Variants in STN1 observed in about 807,000 individuals in gnomAD.
STN1 encodes STN1 subunit of CST complex.
Under a neutral mutation model 45.5 loss-of-function variants are expected in STN1, and 29 were observed. The observed-to-expected ratio is 0.64, with a 90% CI of 0.47 to 0.87. STN1 has a LOEUF of 0.87. Ranked by LOEUF, STN1 falls within the 40% of genes least tolerant of loss-of-function variation. STN1 has a pLI of 0.00. For synonymous variants in STN1, 148 were observed against 159.0 expected, an observed-to-expected ratio of 0.93 and a Z score of 0.52; for missense variants, 376 against 441.4, an observed-to-expected ratio of 0.85 and a Z score of 1.33.
intron 4 of STN1, among the ~76,000 whole-genome samples, chr10:103,903,292 A>G (rs1289024321): frequency 6.6e-6 from 1 of 152,200 alleles, no homozygotes; most frequent in African/African-American, 2.4e-5. Flanking sequence ...CTGACTCCCC[A>G]TCTAGAACAA....
intron 3 of STN1, among the ~76,000 whole-genome samples, chr10:103,908,434 C>T (rs757969476): frequency 5.3e-5 from 8 of 151,960 alleles, no homozygotes; most frequent in Non-Finnish European, 8.8e-5. Flanking sequence ...GTTTCAGCTG[C>T]GGGATGAGTC....
chr10:103,914,623 G>T (rs1262057374), intron 2 of STN1, among the ~76,000 whole-genome samples: 1 of 150,978 alleles, frequency 6.6e-6, no homozygotes, highest in Non-Finnish European at 1.5e-5. Context: ...AAAGTGCTGG[G>T]ATTACAGGCA....
chr10:103,898,847 C>T (rs1055631654), intron 6 of STN1, 30 bp downstream of exon 6: 8 of 1,612,124 alleles, frequency 5.0e-6, no homozygotes, highest in East Asian at 4.5e-5. Flanking sequence ...GCCGTGGTCA[C>T]GTGCTCAGCA....
chr10:103,889,638 T>TCCACTGAAACACATTCTG (rs1246806113), intron 8 of STN1, among the ~76,000 whole-genome samples: 5 of 150,244 alleles, frequency 3.3e-5, no homozygotes, highest in African/African-American at 1.2e-4. Flanking sequence ...AGCTAGCCTA[T>TCCACTGAAACACATTCTG]CCACTGAAAC....
intron 3 of STN1, among the ~76,000 whole-genome samples, chr10:103,909,426 A>ATATATATG (rs1843269777): frequency 3.9e-4 from 22 of 57,026 alleles, no homozygotes; most frequent in East Asian, 8.0e-4. Flanking sequence ...GTATATATGT[A>ATATATATG]TATATATGTA....
chr10:103,886,556 A>G (rs1454964991), intron 9 of STN1, among the ~76,000 whole-genome samples: 2 of 152,218 alleles, frequency 1.3e-5, no homozygotes, highest in Non-Finnish European at 2.9e-5. Flanking sequence ...ACAATAATAC[A>G]GCAAAATCCA....
chr10:103,898,413 A>G (rs1318751702), intron 6 of STN1: 1 of 153,040 alleles, frequency 6.5e-6, no homozygotes, highest in Non-Finnish European at 1.5e-5. Flanking sequence ...GTTGAGAATG[A>G]CCGGTGCAGG....
intron 9 of STN1, among the ~76,000 whole-genome samples, chr10:103,885,144 T>G (rs1843095444): frequency 6.6e-6 from 1 of 152,222 alleles, no homozygotes; most frequent in African/African-American, 2.4e-5. Context: ...CAGGGGGAAC[T>G]ACTATGATTT....
chr10:103,903,176 T>C (rs545643629), intron 4 of STN1, among the ~76,000 whole-genome samples: 1 of 152,338 alleles, frequency 6.6e-6, no homozygotes, highest in East Asian at 1.9e-4. Context: ...TTTGCTTATG[T>C]ACTACCTATG....
At chr10:103,902,798 G>C (rs186837332) in intron 4 of STN1, among the ~76,000 whole-genome samples, 38 of 152,300 alleles carry the variant, frequency 2.5e-4, no homozygotes, top group African/African-American at 8.7e-4. Flanking sequence ...ATTAAAAGGA[G>C]AGAATGGGCT....
At chr10:103,915,908 G>A (rs994175206) in intron 2 of STN1, among the ~76,000 whole-genome samples, 2 of 151,932 alleles carry the variant, frequency 1.3e-5, no homozygotes, top group African/African-American at 4.8e-5. Flanking sequence ...CCTCACACGT[G>A]CAGTTCACAA....
intron 8 of STN1, among the ~76,000 whole-genome samples, chr10:103,890,185 A>G (rs1172757531): frequency 2.0e-5 from 3 of 152,204 alleles, no homozygotes; most frequent in Admixed American, 6.5e-5. Context: ...AATAGCTGTA[A>G]GTTTCCTCCT....
intron 9 of STN1, among the ~76,000 whole-genome samples, chr10:103,885,812 G>A (rs189440754): frequency 8.3e-4 from 126 of 152,266 alleles, no homozygotes; most frequent in Non-Finnish European, 1.3e-3. Context: ...CCCACAAGCC[G>A]AAGCAGACTT....
chr10:103,907,178 TAAAAC>T (rs776694922), intron 3 of STN1, among the ~76,000 whole-genome samples: 10 of 152,148 alleles, frequency 6.6e-5, no homozygotes, highest in Non-Finnish European at 1.0e-4. Context: ...TACTTCCAGA[TAAAAC>T]AAAAACAAGT....
At chr10:103,912,848 C>T (rs997339968) in intron 2 of STN1, among the ~76,000 whole-genome samples, 1 of 152,226 alleles carries the variant, frequency 6.6e-6, no homozygotes, top group South Asian at 2.1e-4. Context: ...GATGGTCCTT[C>T]CTGGCTGCCA....
intron 2 of STN1, among the ~76,000 whole-genome samples, chr10:103,915,152 CCT>C (rs1192935006): frequency 6.6e-6 from 1 of 152,208 alleles, no homozygotes; most frequent in African/African-American, 2.4e-5. Context: ...CACCTTGCCC[CCT>C]GACACACCAA....
intron 8 of STN1, among the ~76,000 whole-genome samples, chr10:103,889,474 C>T (rs891195829): frequency 2.0e-5 from 3 of 151,774 alleles, no homozygotes; most frequent in African/African-American, 7.3e-5. Context: ...GCACAGTGAT[C>T]AAGGCCTCCA....
intron 4 of STN1, among the ~76,000 whole-genome samples, chr10:103,902,067 A>C (rs919864929): frequency 2.6e-5 from 4 of 152,154 alleles, no homozygotes; most frequent in Non-Finnish European, 4.4e-5. Flanking sequence ...AAATCAACCT[A>C]ATATAATTTT....
intron 3 of STN1, among the ~76,000 whole-genome samples, chr10:103,909,062 T>C (rs973947699): frequency 1.3e-5 from 2 of 151,958 alleles, no homozygotes; most frequent in Admixed American, 6.6e-5. Context: ...ATCTACAAAA[T>C]GGAAATAATA....
Sources: gnomAD v4.1 joint callset for allele counts (sites outside exome capture counted in the v4.1 genomes callset) on GRCh38, gnomAD v4.1.1 for gene constraint, MANE v1.5 for transcripts, NCBI Gene and HGNC (gene_info 2026-07-23, HGNC 2026-07-21) for gene names.